Variants in CDKL4 observed in about 807,000 individuals in gnomAD.
The protein encoded by CDKL4 is cyclin-dependent kinase-like 4.
A neutral mutation model predicts 42.0 loss-of-function variants in CDKL4; 44 were observed. The observed-to-expected ratio is 1.05, with a 90% CI of 0.82 to 1.35. The LOEUF is 1.35. CDKL4 is among the 40% of genes most tolerant of loss of function. The pLI is 0.00. For missense variants in CDKL4, 393 were observed against 369.9 expected (o/e 1.06, Z -0.51); for synonymous variants, 120 against 121.6 (o/e 0.99, Z 0.09).
chr2:39,181,409 A>G (rs1418941713), intron 8 of CDKL4, among the ~76,000 whole-genome samples: 3 of 152,082 alleles, frequency 2.0e-5, no homozygotes. Context: ...TCAATTATCA[A>G]AGTTTACCAG....
At chr2:39,219,404 C>CTTGT (rs1553390825) in intron 3 of CDKL4, among the ~76,000 whole-genome samples, 1 of 148,406 alleles carries the variant, frequency 6.7e-6, no homozygotes, top group Non-Finnish European at 1.5e-5. Flanking sequence ...GAAACAGGTA[C>CTTGT]TTATTTATTT....
At chr2:39,213,326 C>G (rs190014473) in intron 4 of CDKL4, 74 bp downstream of exon 4, 1 of 1,036,772 alleles carries the variant, frequency 9.6e-7, no homozygotes, top group Admixed American at 2.0e-5. Context: ...GCTCTCCAAA[C>G]AAAACCCTGA....
intron 3 of CDKL4, among the ~76,000 whole-genome samples, chr2:39,222,495 T>C (rs1178640821): frequency 6.6e-6 from 1 of 151,518 alleles, no homozygotes; most frequent in Non-Finnish European, 1.5e-5. Flanking sequence ...GAGGCTGAGG[T>C]GGGAGGACAG....
chr2:39,217,955 A>T (rs963142465), intron 3 of CDKL4, among the ~76,000 whole-genome samples: 1 of 150,720 alleles, frequency 6.6e-6, no homozygotes, highest in African/African-American at 2.4e-5. Context: ...CTGGTCTTGA[A>T]CTCCTGACCT....
At chr2:39,234,015 G>C (rs1391676796) in intron 1 of CDKL4, among the ~76,000 whole-genome samples, 1 of 150,214 alleles carries the variant, frequency 6.7e-6, no homozygotes. Flanking sequence ...CCGGGTTCAA[G>C]CGATTCTCCT....
At chr2:39,174,139 G>A (rs1479684746), downstream of CDKL4, among the ~76,000 whole-genome samples, 4 of 151,540 alleles carry the variant, frequency 2.6e-5, no homozygotes, top group South Asian at 2.1e-4. Flanking sequence ...GCGTGTTGGC[G>A]CACTCCCGTA....
At chr2:39,179,444 A>G in intron 8 of CDKL4, 123 bp from the exon 9 acceptor site, 1 of 754,334 alleles carries the variant, frequency 1.3e-6, no homozygotes, top group Non-Finnish European at 2.0e-6. Flanking sequence ...TTTGTGTATT[A>G]TCAAGTAGTT....
chr2:39,242,402 C>G (rs1000686849), intron 1 of CDKL4, among the ~76,000 whole-genome samples: 4 of 152,124 alleles, frequency 2.6e-5, no homozygotes. Context: ...TACTTTTTGG[C>G]TACAGGGCTT....
intron 5 of CDKL4, among the ~76,000 whole-genome samples, chr2:39,191,475 G>A (rs1676181110): frequency 6.6e-6 from 1 of 152,344 alleles, no homozygotes; most frequent in South Asian, 2.1e-4. Flanking sequence ...TGGCCCTGCT[G>A]AAACCTTGAT....
intron 4 of CDKL4, among the ~76,000 whole-genome samples, chr2:39,207,546 A>G (rs1677279593): frequency 6.6e-6 from 1 of 152,242 alleles, no homozygotes; most frequent in Non-Finnish European, 1.5e-5. Context: ...GTTTGCATCA[A>G]GTTCTAGAAT....
intron 4 of CDKL4, 103 bp downstream of exon 4, chr2:39,213,297 T>C (rs1394332612): frequency 2.6e-6 from 2 of 756,756 alleles, no homozygotes; most frequent in East Asian, 5.2e-5. Context: ...CTTTGGCTCT[T>C]ACTTTCCCTT....
intron 5 of CDKL4, among the ~76,000 whole-genome samples, chr2:39,195,253 C>G (rs1170596583): frequency 6.6e-6 from 1 of 152,158 alleles, no homozygotes; most frequent in African/African-American, 2.4e-5. Flanking sequence ...TGTGAATAAT[C>G]CTACTATAAG....
At chr2:39,225,945 T>C in exon 3 of CDKL4, 2 of 1,609,916 alleles carry the variant, frequency 1.2e-6, no homozygotes, top group Non-Finnish European at 8.5e-7. Flanking sequence ...TTCACAAGAT[T>C]TGGATGTTTT....
chr2:39,225,446 T>TA (rs34815134), intron 3 of CDKL4, among the ~76,000 whole-genome samples: 5,757 of 151,220 alleles, frequency 0.038, 389 homozygotes, highest in African/African-American at 0.13. Flanking sequence ...TGCTAGGGAT[T>TA]AAAAAAAAAT....
At chr2:39,223,645 C>G (rs1307732805) in intron 3 of CDKL4, among the ~76,000 whole-genome samples, 3 of 140,310 alleles carry the variant, frequency 2.1e-5, no homozygotes, top group Admixed American at 1.5e-4. Context: ...TGGGGTCTCA[C>G]TCTGTTACCC....
intron 7 of CDKL4, 58 bp from the exon 8 acceptor site, chr2:39,184,705 T>TGTA: frequency 8.7e-7 from 1 of 1,152,154 alleles, no homozygotes; most frequent in Non-Finnish European, 1.3e-6. Context: ...TATGTGTGTG[T>TGTA]ATATATGTGC....
At chr2:39,183,714 C>A (rs1006166584) in intron 8 of CDKL4, among the ~76,000 whole-genome samples, 3 of 152,154 alleles carry the variant, frequency 2.0e-5, no homozygotes, top group Non-Finnish European at 4.4e-5. Flanking sequence ...ACAGGACCTG[C>A]TGAGTGCTGG....
chr2:39,228,883 T>C (rs1345088143), intron 2 of CDKL4, among the ~76,000 whole-genome samples: 1 of 152,182 alleles, frequency 6.6e-6, no homozygotes, highest in Non-Finnish European at 1.5e-5. Context: ...CAAAAACCTT[T>C]ATGTAAAAAA....
At chr2:39,198,111 C>T (rs1441746608) in intron 5 of CDKL4, among the ~76,000 whole-genome samples, 1 of 152,058 alleles carries the variant, frequency 6.6e-6, no homozygotes, top group Non-Finnish European at 1.5e-5. Context: ...CACATAAGGA[C>T]TCACATAAGC....
Sources: gnomAD v4.1 joint callset for allele counts (sites outside exome capture counted in the v4.1 genomes callset) on GRCh38, gnomAD v4.1.1 for gene constraint, MANE v1.5 for transcripts, NCBI Gene and HGNC (gene_info 2026-07-23, HGNC 2026-07-21) for gene names.